SLF2: variants seen among roughly 807,000 people sequenced by gnomAD.
The protein encoded by SLF2 is SMC5/6 complex localization factor 2.
Under a neutral mutation model 124.3 loss-of-function variants are expected in SLF2, and 68 were observed. The observed-to-expected ratio is 0.55, with a 90% CI of 0.45 to 0.67. The LOEUF (loss-of-function observed/expected upper bound fraction) is 0.67, where lower values mean the gene tolerates loss of function less well. SLF2 is among the 30% of genes least tolerant of loss of function. The pLI, the probability that SLF2 is intolerant of heterozygous loss-of-function variation, is 0.00. For missense variants in SLF2, 1,246 were observed against 1,373.7 expected (o/e 0.91, Z 1.47); for synonymous variants, 480 against 478.8 (o/e 1.00, Z -0.03).
chr10:100,952,358 A>G lies in SLF2; in HGVS notation c.3330+1605A>G, dbSNP rs557740609. Among the ~76,000 whole-genome samples, 16 of 152,058 alleles carry G rather than the reference A, an allele frequency of 1.1e-4. No individual in the cohort carries two copies. The East Asian group carries it at 1.4e-3, about 13-fold the overall frequency. ...GAAGTTCGAGACCAGCCTGGCCAAC[A>G]TGATGAAACCCTGTCTCTACTAAAA... is the stretch of plus-strand genomic sequence containing the variant. On this transcript the variant is annotated intron_variant, in intron 17 of 19. Transcript: ENST00000238961.
intron 10 of SLF2, 37 bp downstream of exon 10, chr10:100,937,514 T>A (rs1432379457): frequency 8.2e-7 from 1 of 1,214,706 alleles, no homozygotes. Context: ...ACCGTGTGTA[T>A]TATTGGTTGC....
At chr10:100,927,074 TTTTTGTG>T (rs1849629015) in intron 6 of SLF2, among the ~76,000 whole-genome samples, 1 of 129,180 alleles carries the variant, frequency 7.7e-6, no homozygotes, top group African/African-American at 2.5e-5. Flanking sequence ...TGGGTAGAAT[TTTTTGTG>T]TTTTTTTAAT....
chr10:100,925,559 G>GAATTA (rs1392362898), intron 5 of SLF2, among the ~76,000 whole-genome samples: 23 of 152,306 alleles, frequency 1.5e-4, no homozygotes, highest in African/African-American at 5.3e-4. Context: ...GGAATAAGCT[G>GAATTA]AATTAAATTC....
At chr10:100,933,277 C>T (rs540651108) in intron 9 of SLF2, among the ~76,000 whole-genome samples, 28 of 152,316 alleles carry the variant, frequency 1.8e-4, no homozygotes, top group African/African-American at 6.7e-4. Flanking sequence ...GACATACAAG[C>T]ATACCTTCAT....
At chr10:100,937,295 A>G (rs1849882922) in intron 9 of SLF2, 107 bp from the exon 10 acceptor site, 2 of 824,708 alleles carry the variant, frequency 2.4e-6, no homozygotes, top group African/African-American at 1.7e-5. Flanking sequence ...ACAGGCATGA[A>G]CTGCTGCGCC....
At position 100,937,451 on chromosome 10, in the gene SLF2, C is replaced by T; in HGVS notation, c.2486C>T (p.Thr829Ile). The T allele has an allele frequency of 1.2e-6, 2 of 1,604,296 alleles. No homozygotes were observed. Among genetic ancestry groups the T allele is most frequent in the Non-Finnish European group, 1.7e-6 (2 of 1,171,256 alleles). Residue 829 changes from threonine to isoleucine, a missense_variant, in exon 10 of 20, where the codon ACA becomes ATA. Around this residue, in one of 3 missense-constraint regions of SLF2, gnomAD observed 535 missense variants for 632.8 expected, o/e 0.85. Coordinates refer to ENST00000238961, the MANE Select transcript of SLF2 (RefSeq NM_018121.4). ...ATTGTGTCAGTGCAGATTTTAAGTA[C>T]ATTGATGGAAATAACAATTAGAAAT... The part of the protein sequence containing the change: ...DCIVSVQILS[T>I]LMEITIRNDT...
At chr10:100,932,785 C>T (rs1324915348) in intron 9 of SLF2, among the ~76,000 whole-genome samples, 2 of 151,606 alleles carry the variant, frequency 1.3e-5, no homozygotes, top group Non-Finnish European at 2.9e-5. Flanking sequence ...ATGAAGAAAA[C>T]GTAGGGTAAG....
At chr10:100,915,424 C>A (rs1206356573) in intron 1 of SLF2, among the ~76,000 whole-genome samples, 1 of 152,128 alleles carries the variant, frequency 6.6e-6, no homozygotes, top group African/African-American at 2.4e-5. Context: ...AACTGATTCC[C>A]TAGATCAGCC....
intron 9 of SLF2, among the ~76,000 whole-genome samples, chr10:100,936,218 C>CT (rs1326524010): frequency 6.6e-6 from 1 of 151,832 alleles, no homozygotes; most frequent in Non-Finnish European, 1.5e-5. Flanking sequence ...CTGCTTTCCT[C>CT]TTTTCTAGTA....
chr10:100,960,998 CTTTTTTTTTTT>C (rs59983480), intron 19 of SLF2, among the ~76,000 whole-genome samples: 9 of 61,406 alleles, frequency 1.5e-4, no homozygotes, highest in South Asian at 1.5e-3. Flanking sequence ...TTCTGTACTT[CTTTTTTTTTTT>C]TTTTTTTTTT....
At chr10:100,936,813 C>T (rs1849871408) in intron 9 of SLF2, among the ~76,000 whole-genome samples, 1 of 151,018 alleles carries the variant, frequency 6.6e-6, no homozygotes, top group East Asian at 2.0e-4. Flanking sequence ...ACTAAAAAGA[C>T]ATTTTTTGAT....
rs1426587904 is a variant in SLF2, at chr10:100,945,515, A to C, written c.2934+9A>C. 1 of 1,532,032 alleles carries C rather than the reference A, an allele frequency of 6.5e-7. No homozygotes were observed. Among genetic ancestry groups the C allele is most frequent in the Non-Finnish European group, 8.7e-7 (1 of 1,150,804 alleles). The allele number at this position is 1,532,032 out of a possible 1,614,324, so 94.9% of individuals were successfully genotyped here. On this transcript the variant is annotated intron_variant, in intron 13 of 19. Transcript: ENST00000238961. Reference sequence around the variant, plus strand: ...GAGATTGGAACACAAAGGTAATGTTACTTAAAACTTCATTATTCATTTTTT... The same window carrying C: ...GAGATTGGAACACAAAGGTAATGTTCCTTAAAACTTCATTATTCATTTTTT...
At chr10:100,943,846 A>C (rs956623128) in intron 11 of SLF2, 180 bp from the exon 12 acceptor site, 13 of 435,884 alleles carry the variant, frequency 3.0e-5, no homozygotes, top group Non-Finnish European at 4.5e-5. Context: ...CTATTTCTTG[A>C]TTTGGATGGT....
At chr10:100,935,972 C>G (rs1048530280) in intron 9 of SLF2, among the ~76,000 whole-genome samples, 5 of 150,772 alleles carry the variant, frequency 3.3e-5, no homozygotes, top group African/African-American at 9.7e-5. Context: ...GATCCTCCCC[C>G]CTCAGCCCCC....
At chr10:100,955,131 G>A (rs1850305113) in intron 17 of SLF2, among the ~76,000 whole-genome samples, 2 of 151,688 alleles carry the variant, frequency 1.3e-5, no homozygotes, top group African/African-American at 2.4e-5. Flanking sequence ...TAGTAGAGAC[G>A]GGTTTTCACC....
At chr10:100,927,143 A>G (rs985834678) in intron 6 of SLF2, among the ~76,000 whole-genome samples, 4 of 152,168 alleles carry the variant, frequency 2.6e-5, no homozygotes, top group African/African-American at 7.2e-5. Context: ...TGTACAGTTC[A>G]GTGGCATTAA....
Position 100,924,869 on chromosome 10 carries a change from C to A in SLF2, c.1868C>A (p.Ser623Ter). The A allele has an allele frequency of 6.2e-7, 1 of 1,614,182 alleles. No homozygotes were observed. The highest frequency in any genetic ancestry group is 1.1e-5 in the South Asian group (1 of 91,078). ...GATGAGGAAGAGGAAACATTAAAGT[C>A]ACTGGAAGAAATAATGGCTTTGAAC... ...DSDEEEETLK[S>*]LEEIMALNFN... Residue 623 changes from serine to a stop codon, truncating the protein, a stop_gained, in exon 5 of 20, where the codon TCA becomes TAA. Coordinates refer to ENST00000238961, the MANE Select transcript of SLF2 (RefSeq NM_018121.4). LOFTEE classifies it high-confidence loss of function.
chr10:100,916,537 T>A, intron 2 of SLF2, 33 bp from the exon 3 acceptor site: 1 of 1,305,966 alleles, frequency 7.7e-7, no homozygotes, highest in East Asian at 2.8e-5. Flanking sequence ...TTTACTAACA[T>A]GCAATTTGTA....
At chr10:100,928,801 C>A (rs754435644) in intron 6 of SLF2, among the ~76,000 whole-genome samples, 4 of 152,076 alleles carry the variant, frequency 2.6e-5, no homozygotes, top group South Asian at 4.1e-4. Flanking sequence ...TATATAAAGC[C>A]CTTAGTGCAG....
Sources: gnomAD v4.1 joint callset for allele counts (sites outside exome capture counted in the v4.1 genomes callset) on GRCh38, gnomAD v4.1.1 for gene constraint, gnomAD v4.1.1 regional missense constraint, MANE v1.5 for transcripts, NCBI Gene and HGNC (gene_info 2026-07-23, HGNC 2026-07-21) for gene names.